RYR3: variants seen among roughly 807,000 people sequenced by gnomAD.
RYR3 encodes brain ryanodine receptor-calcium release channel.
A neutral mutation model predicts 584.3 loss-of-function variants in RYR3; 207 were observed. The ratio of observed to expected loss-of-function variants is 0.35; its 90% CI spans 0.32 to 0.40. The LOEUF (loss-of-function observed/expected upper bound fraction) is 0.40. Ranked by LOEUF, RYR3 falls within the 10% of genes least tolerant of loss-of-function variation. The pLI, the probability that RYR3 is intolerant of heterozygous loss-of-function variation, is 1.00. For synonymous variants in RYR3, 2,416 were observed against 2,248.5 expected (o/e 1.07, Z -2.11); for missense variants, 5,616 against 6,089.2 (o/e 0.92, Z 2.59).
At chr15:33,717,036 G>A (rs929619625) in intron 43 of RYR3, among the ~76,000 whole-genome samples, 3 of 152,096 alleles carry the variant, frequency 2.0e-5, no homozygotes, top group South Asian at 2.1e-4. Flanking sequence ...GTTTTATTTG[G>A]CATATTTCAT....
intron 74 of RYR3, 167 bp downstream of exon 74, chr15:33,813,746 G>C: frequency 1.7e-6 from 1 of 573,518 alleles, no homozygotes; most frequent in Non-Finnish European, 3.1e-6. Flanking sequence ...AGACAATCAA[G>C]GTAAGCATAA....
At chr15:33,818,895 G>A (rs780216940) in intron 76 of RYR3, among the ~76,000 whole-genome samples, 8 of 152,178 alleles carry the variant, frequency 5.3e-5, no homozygotes, top group South Asian at 2.1e-4. Flanking sequence ...AAGCCAAGGC[G>A]GGCGGACCAT....
intron 1 of RYR3, among the ~76,000 whole-genome samples, chr15:33,466,423 TAAC>T (rs1254958000): frequency 2.0e-5 from 3 of 152,246 alleles, no homozygotes; most frequent in East Asian, 1.9e-4. Flanking sequence ...TTTCATTTTT[TAAC>T]AACAAGTAGT....
intron 81 of RYR3, 37 bp downstream of exon 81, chr15:33,823,109 T>A (rs760786567): frequency 5.7e-6 from 9 of 1,574,130 alleles, no homozygotes; most frequent in Non-Finnish European, 7.8e-6. Context: ...TTTAAAAAAC[T>A]CTTCCCTCTA....
At chr15:33,384,012 A>G (rs1422356887) in intron 1 of RYR3, among the ~76,000 whole-genome samples, 2 of 152,234 alleles carry the variant, frequency 1.3e-5, no homozygotes, top group Non-Finnish European at 2.9e-5. Flanking sequence ...ACGCAAGAAC[A>G]GAAAACTAAA....
chr15:33,488,689 A>G lies in RYR3; in HGVS notation c.172-14942A>G, dbSNP rs181571635. 4.6e-4 allele frequency among the ~76,000 whole-genome samples: 70 copies of G among 152,142 alleles called. No homozygotes were observed. In the East Asian group the frequency reaches 0.013, roughly 29 times the overall value. ...AACATGGTGAAACCCCGTCTCTACT[A>G]AAAATACAAAAAATTAGCCAGGCAT... is the stretch of plus-strand genomic sequence containing the variant. On this transcript the variant is annotated intron_variant, in intron 2 of 103. Coordinates refer to ENST00000634891, the MANE Select transcript of RYR3 (RefSeq NM_001036.6).
chr15:33,715,950 C>T (rs1283018683), intron 43 of RYR3, among the ~76,000 whole-genome samples: 2 of 152,156 alleles, frequency 1.3e-5, no homozygotes, highest in East Asian at 1.9e-4. Context: ...ATTCTCATCC[C>T]GAATGTTGGA....
chr15:33,855,290 C>G (rs1294191478), intron 98 of RYR3, among the ~76,000 whole-genome samples: 1 of 152,094 alleles, frequency 6.6e-6, no homozygotes, highest in Non-Finnish European at 1.5e-5. Context: ...CTCCGACTCC[C>G]AGGTCCCAGT....
chr15:33,764,863 T>A (rs1254443835), intron 60 of RYR3, among the ~76,000 whole-genome samples: 1 of 151,846 alleles, frequency 6.6e-6, no homozygotes, highest in Non-Finnish European at 1.5e-5. Context: ...AAACCCCATC[T>A]CTACTAAAAA....
chr15:33,857,959 C>T (rs1239421631), intron 99 of RYR3, 45 bp downstream of exon 99: 5 of 1,606,900 alleles, frequency 3.1e-6, no homozygotes, highest in Non-Finnish European at 3.4e-6. Flanking sequence ...ACTGCGGGGC[C>T]ACCCCGCCCC....
rs201327770 is a variant in RYR3 at position 33,837,897 on chromosome 15, A to G, written c.11917A>G (p.Met3973Val). The change falls in exon 89 of 104, where the codon ATG becomes GTG. Residue 3973 changes from methionine (M) to valine (V), a missense_variant. Around this residue, in one of 9 missense-constraint regions of RYR3, gnomAD observed 258 missense variants for 297.3 expected, o/e 0.87. Coordinates refer to ENST00000634891, the MANE Select transcript of RYR3 (RefSeq NM_001036.6). Reference sequence around the variant, plus strand: ...GTGTGCAGAAGCTGATGAGAATGACATGTTTAATTACGTTGATTTTGTAGA... The same window carrying G: ...GTGTGCAGAAGCTGATGAGAATGACGTGTTTAATTACGTTGATTTTGTAGA... ...LSCAEADEND[M>V]FNYVDFVDRF... The G allele has an allele frequency of 1.2e-6, 2 of 1,613,894 alleles. No homozygotes were observed. The highest frequency in any genetic ancestry group is 1.7e-5 in the Admixed American group (1 of 60,004).
chr15:33,603,049 C>T, intron 17 of RYR3, 74 bp from the exon 18 acceptor site: 1 of 1,542,814 alleles, frequency 6.5e-7, no homozygotes, highest in South Asian at 1.2e-5. Flanking sequence ...GCCGTTGCCT[C>T]CTATGGTCTG....
At position 33,539,417 on chromosome 15, in the gene RYR3, T is replaced by G. The variant is rs781536558; in HGVS notation, c.501T>G (p.Ile167Met). The stretch of plus-strand genomic sequence containing the variant: ...GGTCCGAAGGAGAGAAAGTTCGAAT[T>G]GGCGATGACCTCATCCTCGTCAGCG... ...KQRSEGEKVR[I>M]GDDLILVSVS... is the part of the protein sequence containing the mutation. The change falls in exon 6 of 104, where the codon ATT (isoleucine) becomes ATG (methionine). Residue 167 changes from isoleucine to methionine, a missense_variant. Transcript: ENST00000634891. 2.5e-6 allele frequency: 4 copies of G among 1,603,510 alleles called. No individual in the cohort carries two copies. The highest frequency in any genetic ancestry group is 4.5e-5 in the East Asian group (2 of 44,552).
intron 18 of RYR3, among the ~76,000 whole-genome samples, chr15:33,604,827 A>T (rs1455086449): frequency 6.6e-6 from 1 of 152,238 alleles, no homozygotes; most frequent in East Asian, 1.9e-4. Context: ...TTCACAGGAA[A>T]CTGTCTCTGA....
At chr15:33,773,883 T>C (rs567790462) in intron 64 of RYR3, among the ~76,000 whole-genome samples, 1 of 152,322 alleles carries the variant, frequency 6.6e-6, no homozygotes, top group East Asian at 1.9e-4. Flanking sequence ...CAGGTGCTCA[T>C]AACCAAAATG....
At chr15:33,826,822 C>T (rs765162163) in intron 84 of RYR3, 70 bp downstream of exon 84, 98 of 1,104,448 alleles carry the variant, frequency 8.9e-5, no homozygotes, top group Non-Finnish European at 1.2e-4. Flanking sequence ...GTTCAGTATG[C>T]CCCATTTGAT....
At chr15:33,597,877 A>G (rs2059451897) in intron 16 of RYR3, among the ~76,000 whole-genome samples, 1 of 151,430 alleles carries the variant, frequency 6.6e-6, no homozygotes, top group African/African-American at 2.4e-5. Flanking sequence ...ATGGAAGTAC[A>G]TTTTATAGAT....
intron 16 of RYR3, among the ~76,000 whole-genome samples, chr15:33,592,696 CT>C (rs2059190225): frequency 6.6e-6 from 1 of 152,208 alleles, no homozygotes; most frequent in South Asian, 2.1e-4. Context: ...AAGATACCCC[CT>C]GTCAGTCAGA....
chr15:33,808,215 GATAGACTTGCATC>G (rs2076309132), intron 70 of RYR3, among the ~76,000 whole-genome samples: 1 of 152,224 alleles, frequency 6.6e-6, no homozygotes, highest in African/African-American at 2.4e-5. Flanking sequence ...GCCCAGGCGA[GATAGACTTGCATC>G]TGGTTAGCTC....
Sources: allele counts gnomAD v4.1 joint callset (sites outside exome capture counted in the v4.1 genomes callset), GRCh38; gene constraint gnomAD v4.1.1; regional missense constraint gnomAD v4.1.1; transcripts MANE v1.5; gene names NCBI Gene and HGNC (gene_info 2026-07-23, HGNC 2026-07-21).